The following KLF12 variants were observed in gnomAD, a reference collection of about 807,000 sequenced individuals.
KLF12 encodes the protein Krueppel-like factor 12.
In KLF12, 9 loss-of-function variants were observed where a neutral mutation model predicts 37.8. That is an observed-to-expected ratio of 0.24 (90% CI 0.14 to 0.42). The LOEUF (loss-of-function observed/expected upper bound fraction) is 0.42. KLF12 is among the 10% of genes least tolerant of loss of function. The probability of loss-of-function intolerance (pLI) is 1.00; values close to 1 mark genes in which losing one functional copy is unlikely to be tolerated. For missense variants in KLF12, 411 were observed against 516.0 expected, an observed-to-expected ratio of 0.80 and a Z score of 1.97; for synonymous variants, 208 against 202.1, an observed-to-expected ratio of 1.03 and a Z score of -0.25.
chr13:73,716,202 A>G (rs962268117), intron 6 of KLF12, among the ~76,000 whole-genome samples: 1 of 152,190 alleles, frequency 6.6e-6, no homozygotes, highest in African/African-American at 2.4e-5. Flanking sequence ...TTTGGCCCTA[A>G]CTTGCATATT....
At chr13:73,730,239 A>G (rs1456433254) in intron 6 of KLF12, among the ~76,000 whole-genome samples, 5 of 152,058 alleles carry the variant, frequency 3.3e-5, no homozygotes, top group Admixed American at 6.6e-5. Context: ...GGCTCTTTGC[A>G]TCTTGCTGGG....
At chr13:74,257,611 A>G in the KLF12 span, 1 of 152,154 alleles carries the variant, frequency 6.6e-6, no homozygotes, top group East Asian at 1.9e-4. Context: ...ACCTTGGCAC[A>G]AGGACATGAT....
chr13:74,008,310 T>C (rs1438542056), intron 1 of KLF12, among the ~76,000 whole-genome samples: 1 of 152,120 alleles, frequency 6.6e-6, no homozygotes, highest in Non-Finnish European at 1.5e-5. Flanking sequence ...CAAGGACCAA[T>C]CAATTAATAA....
intron 1 of KLF12, among the ~76,000 whole-genome samples, chr13:74,024,107 G>A (rs1014255284): frequency 1.3e-5 from 2 of 152,056 alleles, no homozygotes; most frequent in African/African-American, 4.8e-5. Flanking sequence ...AAATTCATAC[G>A]AAAACTCAAA....
At chr13:74,044,192 T>C (rs753615831) in intron 1 of KLF12, among the ~76,000 whole-genome samples, 6 of 152,056 alleles carry the variant, frequency 3.9e-5, no homozygotes, top group Admixed American at 1.3e-4. Flanking sequence ...AGACCCCTAC[T>C]CCACACACTG....
chr13:73,938,745 G>A (rs985442755), intron 3 of KLF12, among the ~76,000 whole-genome samples: 2 of 152,160 alleles, frequency 1.3e-5, no homozygotes, highest in Admixed American at 6.5e-5. Flanking sequence ...GCTGCCTCTA[G>A]GGAAAAGACT....
At chr13:73,836,704 G>A (rs1884454420) in intron 4 of KLF12, among the ~76,000 whole-genome samples, 1 of 151,770 alleles carries the variant, frequency 6.6e-6, no homozygotes, top group Non-Finnish European at 1.5e-5. Flanking sequence ...TTTTTAAATA[G>A]AACTATTCAC....
At chr13:73,946,453 G>C (rs1366831213) in intron 2 of KLF12, among the ~76,000 whole-genome samples, 1 of 152,114 alleles carries the variant, frequency 6.6e-6, no homozygotes, top group Non-Finnish European at 1.5e-5. Flanking sequence ...AAACCTGACT[G>C]GGTCTGTGTT....
At position 73,904,469 on chromosome 13, in the gene KLF12, C is replaced by CTTTTTTTTTTTTTTTTTTTTTTTTT. The variant is rs11342071; in HGVS notation, c.123+39511_123+39512insAAAAAAAAAAAAAAAAAAAAAAAAA. Among the ~76,000 whole-genome samples, 2 of 92,030 alleles carry CTTTTTTTTTTTTTTTTTTTTTTTTT rather than the reference C, an allele frequency of 2.2e-5. 1 individual carries two copies. 60.4% of individuals were successfully genotyped at this position (92,030 alleles called of 152,430 possible). A position where few individuals can be genotyped will look rare whatever the true frequency, so the allele number is the denominator to read the frequency against. ...CAGTTTCTCATGTTTTCTTTCTTTC[C>CTTTTTTTTTTTTTTTTTTTTTTTTT]TTTTTTTTTTTTTTTTTTTTTTTAC... On this transcript the variant is annotated intron_variant, in intron 3 of 7. Coordinates refer to ENST00000377669, the MANE Select transcript of KLF12 (RefSeq NM_007249.5).
chr13:74,224,681 G>C, the KLF12 span, among the ~76,000 whole-genome samples: 3 of 152,056 alleles, frequency 2.0e-5, no homozygotes, highest in African/African-American at 7.2e-5. Flanking sequence ...GAAATGCTTT[G>C]TTGTTTTGAG....
At chr13:74,084,511 T>TA (rs1875134421) in intron 1 of KLF12, among the ~76,000 whole-genome samples, 1 of 152,196 alleles carries the variant, frequency 6.6e-6, no homozygotes, top group African/African-American at 2.4e-5. Context: ...ACGAAACATT[T>TA]ACCATGATAG....
At chr13:73,958,133 A>G (rs1212062384) in intron 2 of KLF12, among the ~76,000 whole-genome samples, 1 of 152,226 alleles carries the variant, frequency 6.6e-6, no homozygotes, top group Non-Finnish European at 1.5e-5. Flanking sequence ...TGCAAAAAGC[A>G]TATTGGATTT....
chr13:73,844,324 A>G (rs1884904190), intron 4 of KLF12, among the ~76,000 whole-genome samples: 1 of 152,216 alleles, frequency 6.6e-6, no homozygotes, highest in African/African-American at 2.4e-5. Context: ...TGATTTGTTC[A>G]GTTCAATCAG....
intron 3 of KLF12, among the ~76,000 whole-genome samples, chr13:73,897,668 C>A (rs1233339244): frequency 6.6e-6 from 1 of 152,210 alleles, no homozygotes; most frequent in South Asian, 2.1e-4. Context: ...CATCCCTATT[C>A]TAAGCCACCA....
the KLF12 span, among the ~76,000 whole-genome samples, chr13:74,276,560 A>AT: frequency 3.9e-5 from 6 of 152,168 alleles, no homozygotes; most frequent in African/African-American, 1.4e-4. Context: ...ATTTCTTCTT[A>AT]TTTTATAAGT....
At chr13:74,287,808 TC>T in the KLF12 span, among the ~76,000 whole-genome samples, 19 of 152,344 alleles carry the variant, frequency 1.2e-4, no homozygotes, top group Non-Finnish European at 2.9e-5. Context: ...AACATCTGCA[TC>T]CTTGGACAGA....
chr13:73,858,243 CAAT>C (rs991775170), intron 3 of KLF12, among the ~76,000 whole-genome samples: 1 of 152,002 alleles, frequency 6.6e-6, no homozygotes. Context: ...TCCTAGTGAA[CAAT>C]AATGTCATTA....
the KLF12 span, among the ~76,000 whole-genome samples, chr13:74,169,354 T>C: frequency 2.0e-5 from 3 of 152,224 alleles, no homozygotes; most frequent in Non-Finnish European, 4.4e-5. Context: ...AAATGTGATC[T>C]CATTTTTGTA....
At chr13:74,111,025 C>T (rs536828734) in intron 1 of KLF12, among the ~76,000 whole-genome samples, 3 of 151,828 alleles carry the variant, frequency 2.0e-5, no homozygotes, top group Non-Finnish European at 2.9e-5. Context: ...TGGTGGTGGG[C>T]GCCTGTAATC....
Sources: gnomAD v4.1 joint callset for allele counts (sites outside exome capture counted in the v4.1 genomes callset) on GRCh38, gnomAD v4.1.1 for gene constraint, MANE v1.5 for transcripts, NCBI Gene and HGNC (gene_info 2026-07-23, HGNC 2026-07-21) for gene names.